The following SEC14L1 variants were observed in gnomAD, a reference collection of about 807,000 sequenced individuals.
SEC14L1 encodes the protein SEC14 like lipid binding 1.
SEC14L1 carries 48 observed loss-of-function variants against 85.3 expected under a neutral mutation model. The observed-to-expected ratio is 0.56, with a 90% CI of 0.45 to 0.72. SEC14L1 has a LOEUF of 0.72. Ranked by LOEUF, SEC14L1 falls within the 30% of genes least tolerant of loss-of-function variation. SEC14L1 has a pLI of 0.00. For synonymous variants in SEC14L1, 391 were observed against 355.5 expected (o/e 1.10, Z -1.12); for missense variants, 682 against 921.4 (o/e 0.74, Z 3.36).
chr17:77,214,904 A>G lies in SEC14L1; in HGVS notation c.*881A>G, dbSNP rs898199259. The G allele has an allele frequency of 2.1e-5, 21 of 985,302 alleles. No homozygotes were observed. In the African/African-American group the frequency reaches 3.5e-4, roughly 16 times the overall value. 61.0% of individuals were successfully genotyped at this position (985,302 alleles called of 1,614,324 possible). A position where few individuals can be genotyped will look rare whatever the true frequency, so the allele number is the denominator to read the frequency against. On this transcript the variant is annotated 3_prime_UTR_variant, in exon 17 of 17. Coordinates refer to ENST00000436233, the MANE Select transcript of SEC14L1 (RefSeq NM_001143998.2). The stretch of plus-strand genomic sequence containing the variant: ...CCTCAGAGCCCAGACAGTTCCAGCC[A>G]CTAGGAGGCCGTCTTGGAACCAGCA...
At chr17:77,138,169 A>G (rs1436891255), upstream of SEC14L1, among the ~76,000 whole-genome samples, 1 of 152,166 alleles carries the variant, frequency 6.6e-6, no homozygotes, top group Non-Finnish European at 1.5e-5. Context: ...CAGCTGAGCC[A>G]TCAAGGGGAG....
At position 77,213,701 on chromosome 17, in the gene SEC14L1, A is replaced by C; in HGVS notation, c.2042+209A>C. The C allele has an allele frequency of 1.2e-6, 1 of 856,262 alleles. No homozygotes were observed. The highest frequency in any genetic ancestry group is 1.4e-5 in the South Asian group (1 of 70,104). 53.0% of individuals were successfully genotyped at this position (856,262 alleles called of 1,614,324 possible). ...AGAGTGTCGGAGACAGAGCCGACTG[A>C]CTGCCTTTGCTTTAGCTCACACTGC... On this transcript the variant is annotated intron_variant, in intron 16 of 16. Transcript: ENST00000436233. This position sits in a 1 kb window ranked among gnomAD's most constrained non-coding sequence, Gnocchi z 7.1.
exon 2 of SEC14L1, chr17:77,089,255 C>G (rs1390064570): frequency 2.5e-6 from 1 of 392,790 alleles, no homozygotes; most frequent in Admixed American, 3.2e-5. Flanking sequence ...TCGAAGTGAC[C>G]TCAGCAGGGC....
At chr17:77,197,125 C>T (rs1194823343) in intron 8 of SEC14L1, among the ~76,000 whole-genome samples, 1 of 152,220 alleles carries the variant, frequency 6.6e-6, no homozygotes, top group Non-Finnish European at 1.5e-5. Flanking sequence ...ACCACTTCCA[C>T]GTAACTGTGG....
intron 3 of SEC14L1, among the ~76,000 whole-genome samples, chr17:77,176,571 A>G (rs1294764143): frequency 6.6e-6 from 1 of 152,116 alleles, no homozygotes; most frequent in African/African-American, 2.4e-5. Flanking sequence ...CTCTTACACA[A>G]TAATTATGGT....
At chr17:77,099,237 G>C (rs1355989067) in intron 3 of SEC14L1, 1 of 152,124 alleles carries the variant, frequency 6.6e-6, no homozygotes, top group Non-Finnish European at 1.5e-5. Flanking sequence ...CTCTTTGAAT[G>C]ACAAATCCCT....
rs771643681 is a variant in SEC14L1 at position 77,194,688 on chromosome 17, C to T, written c.486C>T (p.Ile162=). 3.1e-6 allele frequency: 5 copies of T among 1,613,610 alleles called. No homozygotes were observed. The highest frequency in any genetic ancestry group is 4.2e-6 in the Non-Finnish European group (5 of 1,179,556). ...YTSNIKKGKE[I]IEYYLRQLEE... is the part of the protein sequence containing the mutation. ...GTTTTGTTTTAAAGGGAAAGGAAAT[C>T]ATCGAATACTACCTTCGCCAATTAG... Residue 162 remains isoleucine, a synonymous_variant, in exon 7 of 17, where the codon ATC becomes ATT. Coordinates refer to ENST00000436233, the MANE Select transcript of SEC14L1 (RefSeq NM_001143998.2).
At chr17:77,137,764 A>C (rs1972838941), upstream of SEC14L1, among the ~76,000 whole-genome samples, 1 of 152,200 alleles carries the variant, frequency 6.6e-6, no homozygotes, top group Admixed American at 6.5e-5. Context: ...TGCCTCAACA[A>C]ATTCCTGAAA....
rs188266852 is a variant in SEC14L1, at chr17:77,151,419, G to C, written c.63+7760G>C. Among the ~76,000 whole-genome samples the C allele has an allele frequency of 2.0e-5, 3 of 152,230 alleles. No homozygotes were observed. The East Asian group carries it at 5.8e-4, about 29-fold the overall frequency. On this transcript the variant is annotated intron_variant, in intron 3 of 16. Transcript: ENST00000436233. ...TGTACAGAGCCAGACCTTCTCCCTT[G>C]TGTTCCGTCTCAGCATTATGCATTC...
chr17:77,177,607 A>G (rs1452112012), intron 3 of SEC14L1, among the ~76,000 whole-genome samples: 1 of 152,092 alleles, frequency 6.6e-6, no homozygotes, highest in African/African-American at 2.4e-5. Context: ...GAGAGGGAAT[A>G]GTGTTTGTCT....
intron 3 of SEC14L1, among the ~76,000 whole-genome samples, chr17:77,167,932 G>T (rs7224114): frequency 0.16 from 24,780 of 152,214 alleles, 2,232 homozygotes; most frequent in Middle Eastern, 0.21. Flanking sequence ...TGTTACAACC[G>T]CAAGAGTACA....
intron 3 of SEC14L1, among the ~76,000 whole-genome samples, chr17:77,167,844 C>T (rs936403615): frequency 2.0e-5 from 3 of 152,126 alleles, no homozygotes; most frequent in Non-Finnish European, 2.9e-5. Context: ...AACAAGTAAG[C>T]GGTGCTGAAG....
chr17:77,123,947 A>T (rs965226959), intron 3 of SEC14L1, among the ~76,000 whole-genome samples: 3 of 152,216 alleles, frequency 2.0e-5, no homozygotes, highest in African/African-American at 7.2e-5. Context: ...AAAAACATTT[A>T]AAAAATTATG....
rs142012447 is a variant in SEC14L1 at position 77,171,843 on chromosome 17, C to T, written c.64-18960C>T. Among the ~76,000 whole-genome samples, 571 of 152,160 alleles carry T rather than the reference C, an allele frequency of 3.8e-3. 5 individuals are homozygous for T. The highest frequency in any genetic ancestry group is 0.013 in the African/African-American group (548 of 41,496). ...GCCTTTTTTCTTTTATTACTTGCCT[C>T]GATTTCCTTCTTTTGACCATACATC... On this transcript the variant is annotated intron_variant, in intron 3 of 16. Transcript: ENST00000436233.
chr17:77,188,682 T>C (rs1465421844), intron 3 of SEC14L1, among the ~76,000 whole-genome samples: 1 of 152,198 alleles, frequency 6.6e-6, no homozygotes, highest in African/African-American at 2.4e-5. Flanking sequence ...TGTTGGGTTG[T>C]ATACCGTTGC....
chr17:77,136,823 T>C (rs1972813246), upstream of SEC14L1, among the ~76,000 whole-genome samples: 1 of 152,110 alleles, frequency 6.6e-6, no homozygotes, highest in African/African-American at 2.4e-5. Context: ...CTCGAATTGC[T>C]ATAAAGAAAT....
At chr17:77,162,722 C>T (rs528974617) in intron 3 of SEC14L1, among the ~76,000 whole-genome samples, 4 of 151,402 alleles carry the variant, frequency 2.6e-5, no homozygotes, top group East Asian at 1.9e-4. Context: ...CGCAGCTACT[C>T]GGGAGGTTGA....
At chr17:77,112,931 C>T (rs980052798) in intron 3 of SEC14L1, among the ~76,000 whole-genome samples, 6 of 151,840 alleles carry the variant, frequency 4.0e-5, no homozygotes, top group Non-Finnish European at 5.9e-5. Context: ...TTTGGGAGGC[C>T]GAGGTGGAAG....
At chr17:77,155,180 C>T (rs1973751146) in intron 3 of SEC14L1, among the ~76,000 whole-genome samples, 1 of 152,124 alleles carries the variant, frequency 6.6e-6, no homozygotes, top group South Asian at 2.1e-4. Flanking sequence ...CCGAGATGCC[C>T]CCCAGGAGCT....
Sources: gnomAD v4.1 joint callset for allele counts (sites outside exome capture counted in the v4.1 genomes callset) on GRCh38, gnomAD v4.1.1 for gene constraint, Gnocchi (gnomAD v3.1) non-coding constraint, MANE v1.5 for transcripts, NCBI Gene and HGNC (gene_info 2026-07-23, HGNC 2026-07-21) for gene names.